MLLT3: variants seen among roughly 807,000 people sequenced by gnomAD.
MLLT3 encodes protein AF-9.
MLLT3 carries 4 observed loss-of-function variants against 53.2 expected under a neutral mutation model. The ratio of observed to expected loss-of-function variants is 0.08; its 90% CI spans 0.04 to 0.17. The LOEUF is 0.17. Ranked by LOEUF, MLLT3 falls within the 10% of genes least tolerant of loss-of-function variation. MLLT3 has a pLI of 1.00. For missense variants in MLLT3, 569 were observed against 684.0 expected (o/e 0.83, Z 1.87); for synonymous variants, 283 against 230.6 (o/e 1.23, Z -2.06).
intron 2 of MLLT3, among the ~76,000 whole-genome samples, chr9:20,528,625 A>T (rs886547657): frequency 2.6e-5 from 4 of 152,198 alleles, no homozygotes; most frequent in African/African-American, 9.7e-5. Flanking sequence ...TTGTGGCCCC[A>T]TCACTCCATG....
chr9:20,537,539 C>T (rs1160358753), intron 2 of MLLT3, among the ~76,000 whole-genome samples: 3 of 152,162 alleles, frequency 2.0e-5, no homozygotes, highest in African/African-American at 7.2e-5. Context: ...CCCATTTACA[C>T]TTTAAAAAGA....
intron 5 of MLLT3, among the ~76,000 whole-genome samples, chr9:20,395,573 A>T (rs915354510): frequency 6.6e-6 from 1 of 152,134 alleles, no homozygotes; most frequent in Non-Finnish European, 1.5e-5. Flanking sequence ...TTTGCCTTTC[A>T]TGTTGGCTAT....
intron 2 of MLLT3, among the ~76,000 whole-genome samples, chr9:20,504,864 T>C: frequency 6.6e-6 from 1 of 152,276 alleles, no homozygotes; most frequent in Middle Eastern, 3.4e-3. Context: ...TTTTTATTTT[T>C]CAATTTAAAA....
intron 5 of MLLT3, among the ~76,000 whole-genome samples, chr9:20,392,926 C>T (rs2891147): frequency 0.045 from 6,855 of 152,180 alleles, 720 homozygotes; most frequent in East Asian, 0.43. Context: ...GAGGCCAAAG[C>T]GGGTGGATCA....
intron 2 of MLLT3, among the ~76,000 whole-genome samples, chr9:20,469,993 A>T (rs1279956392): frequency 6.6e-6 from 1 of 152,046 alleles, no homozygotes; most frequent in Admixed American, 6.6e-5. Context: ...CCTTCCAGTT[A>T]ATTTTGTGTA....
intron 5 of MLLT3, among the ~76,000 whole-genome samples, chr9:20,367,165 C>A (rs926116524): frequency 6.6e-6 from 1 of 151,952 alleles, no homozygotes; most frequent in Non-Finnish European, 1.5e-5. Flanking sequence ...CATACACACA[C>A]CCCAATCTCT....
chr9:20,351,225 T>C (rs1454496985), intron 10 of MLLT3, among the ~76,000 whole-genome samples: 1 of 152,192 alleles, frequency 6.6e-6, no homozygotes, highest in Non-Finnish European at 1.5e-5. Context: ...AGATTCCCCA[T>C]TCCCTGCAGA....
Position 20,369,766 on chromosome 9 carries a change from AATC to A in MLLT3, c.1126-4025_1126-4023del, listed in dbSNP as rs200064897. 6.6e-3 allele frequency among the ~76,000 whole-genome samples: 1,011 copies of A among 152,364 alleles called. 8 individuals carry two copies. The highest frequency in any genetic ancestry group is 0.021 in the African/African-American group (886 of 41,580). On this transcript the variant is annotated intron_variant, in intron 5 of 10. Coordinates refer to ENST00000380338, the MANE Select transcript of MLLT3 (RefSeq NM_004529.4). ...GTCACTTGCTCTACACACACAAAAA[AATC>A]ATCATCAACAGGGTTATATGAAGAT... is the stretch of plus-strand genomic sequence containing the variant.
chr9:20,582,873 G>A (rs1006293541), intron 2 of MLLT3, among the ~76,000 whole-genome samples: 2 of 152,104 alleles, frequency 1.3e-5, no homozygotes, highest in East Asian at 1.9e-4. Flanking sequence ...AGATTTGGGT[G>A]GGGGCACAGT....
chr9:20,489,774 A>G (rs1824902000), intron 2 of MLLT3, among the ~76,000 whole-genome samples: 1 of 152,188 alleles, frequency 6.6e-6, no homozygotes, highest in Non-Finnish European at 1.5e-5. Context: ...TATAAACGGC[A>G]AGCTATTTTA....
chr9:20,479,738 T>C (rs1824616439), intron 2 of MLLT3, among the ~76,000 whole-genome samples: 1 of 152,210 alleles, frequency 6.6e-6, no homozygotes, highest in African/African-American at 2.4e-5. Flanking sequence ...AGTAAAAATA[T>C]TCTATACATA....
At chr9:20,502,304 C>G (rs1825266183) in intron 2 of MLLT3, 1 of 154,028 alleles carries the variant, frequency 6.5e-6, no homozygotes, top group Admixed American at 6.5e-5. Flanking sequence ...CACAAAGAGC[C>G]ATATTTGTGT....
At chr9:20,427,961 A>G (rs1440251134) in intron 4 of MLLT3, among the ~76,000 whole-genome samples, 2 of 152,112 alleles carry the variant, frequency 1.3e-5, no homozygotes, top group Non-Finnish European at 2.9e-5. Flanking sequence ...TGTTTTCTTG[A>G]GGTAATTCTC....
At chr9:20,367,363 A>G (rs1241490628) in intron 5 of MLLT3, among the ~76,000 whole-genome samples, 1 of 152,168 alleles carries the variant, frequency 6.6e-6, no homozygotes, top group African/African-American at 2.4e-5. Context: ...TAGTCTGTAG[A>G]CTGCCAGCAC....
intron 2 of MLLT3, among the ~76,000 whole-genome samples, chr9:20,598,437 G>T (rs1820331921): frequency 6.6e-6 from 1 of 152,198 alleles, no homozygotes; most frequent in African/African-American, 2.4e-5. Flanking sequence ...AAATTTGGAA[G>T]AGAAGTAGGA....
intron 2 of MLLT3, among the ~76,000 whole-genome samples, chr9:20,543,430 T>C (rs898991969): frequency 1.2e-4 from 18 of 152,206 alleles, no homozygotes; most frequent in Non-Finnish European, 2.9e-5. Context: ...CCAAAACAGT[T>C]ACAATAGTAT....
In MLLT3 at chr9:20,448,393, T is replaced by A; in HGVS notation, c.277-127A>T. The A allele has an allele frequency of 1.3e-6, 1 of 749,150 alleles. No homozygotes were observed. Among genetic ancestry groups the A allele is most frequent in the South Asian group, 2.3e-5 (1 of 43,408 alleles). The allele number at this position is 749,150 out of a possible 1,614,324, so 46.4% of individuals were successfully genotyped here. On this transcript the variant is annotated intron_variant, in intron 3 of 10. Transcript: ENST00000380338. This position sits in a 1 kb window ranked among gnomAD's most constrained non-coding sequence, Gnocchi z 4.0. Reference sequence around the variant, plus strand: ...ACATCTAACAGCTAAACTGTCAAAGTAGTACTGGGAAAAAAAAAAGTATCA... The same window carrying A: ...ACATCTAACAGCTAAACTGTCAAAGAAGTACTGGGAAAAAAAAAAGTATCA...
At chr9:20,522,716 T>G (rs1334926348) in intron 2 of MLLT3, among the ~76,000 whole-genome samples, 2 of 151,876 alleles carry the variant, frequency 1.3e-5, no homozygotes, top group Admixed American at 6.6e-5. Flanking sequence ...GTCAAGAGAA[T>G]CAAAAGAAAA....
chr9:20,610,861 C>T (rs1820684265), intron 2 of MLLT3, among the ~76,000 whole-genome samples: 1 of 152,112 alleles, frequency 6.6e-6, no homozygotes, highest in African/African-American at 2.4e-5. Flanking sequence ...AGTCATACAA[C>T]AAGCATCAGA....
Sources: allele counts gnomAD v4.1 joint callset (sites outside exome capture counted in the v4.1 genomes callset), GRCh38; gene constraint gnomAD v4.1.1; non-coding constraint Gnocchi (gnomAD v3.1); transcripts MANE v1.5; gene names NCBI Gene and HGNC (gene_info 2026-07-23, HGNC 2026-07-21).